Variants in GLRB observed in about 807,000 individuals in gnomAD.
GLRB encodes the protein glycine receptor subunit beta.
GLRB carries 33 observed loss-of-function variants against 54.2 expected under a neutral mutation model. The ratio of observed to expected loss-of-function variants is 0.61; its 90% CI spans 0.46 to 0.81. The LOEUF (loss-of-function observed/expected upper bound fraction) is 0.81. GLRB is among the 40% of genes least tolerant of loss of function. The pLI is 0.00. For missense variants in GLRB, 572 were observed against 584.6 expected (o/e 0.98, Z 0.22); for synonymous variants, 209 against 208.2 (o/e 1.00, Z -0.03).
intron 2 of GLRB, among the ~76,000 whole-genome samples, chr4:157,101,407 A>T (rs1735020428): frequency 6.6e-6 from 1 of 152,218 alleles, no homozygotes; most frequent in East Asian, 1.9e-4. Flanking sequence ...CAGATACATA[A>T]GAACATTGTT....
chr4:157,124,831 C>G (rs1735959708), intron 4 of GLRB, among the ~76,000 whole-genome samples: 1 of 151,822 alleles, frequency 6.6e-6, no homozygotes, highest in East Asian at 1.9e-4. Context: ...AAGATCAGAA[C>G]TACACTCATT....
rs2126583392 is a variant in GLRB at position 157,143,801 on chromosome 4, T to C, written c.752-6T>C. 6.2e-7 allele frequency: 1 copy of C among 1,612,398 alleles called. No individual in the cohort carries two copies. Among genetic ancestry groups the C allele is most frequent in the Non-Finnish European group, 8.5e-7 (1 of 1,179,524 alleles). On this transcript the variant is annotated splice_region_variant and splice_polypyrimidine_tract_variant and intron_variant, in intron 7 of 9. Transcript: ENST00000264428. ...CTCATGCCTTGAATGTGTTTGCTTCTGAAAGGCTACTACACATGCGTGGAA... is the reference window on the plus strand; with the variant it reads ...CTCATGCCTTGAATGTGTTTGCTTCCGAAAGGCTACTACACATGCGTGGAA...
In GLRB at chr4:157,078,028, A is replaced by C; in HGVS notation, c.4A>C (p.Lys2Gln). 1.2e-6 allele frequency: 2 copies of C among 1,609,922 alleles called. No homozygotes were observed. Among genetic ancestry groups the C allele is most frequent in the Non-Finnish European group, 1.7e-6 (2 of 1,176,752 alleles). The change falls in exon 2 of 10, where the codon AAG becomes CAG. Residue 2 changes from lysine to glutamine, a missense_variant. Lys to Gln is a moderately conservative substitution (Grantham distance 53). Coordinates refer to ENST00000264428, the MANE Select transcript of GLRB (RefSeq NM_000824.5). M[K>Q]FLLTTAFLIL... is the part of the protein sequence containing the mutation. ...TTCTGAAATTCAAGTTTTCAAGATGAAGTTTTTATTGACAACTGCCTTTTT... is the reference window on the plus strand; with the variant it reads ...TTCTGAAATTCAAGTTTTCAAGATGCAGTTTTTATTGACAACTGCCTTTTT...
chr4:157,138,963 T>C lies in GLRB; in HGVS notation c.751+14T>C. 1.6e-6 allele frequency: 2 copies of C among 1,284,728 alleles called. No individual in the cohort carries two copies. The highest frequency in any genetic ancestry group is 2.3e-6 in the Non-Finnish European group (2 of 883,566). The allele number at this position is 1,284,728 out of a possible 1,614,324, so 79.6% of individuals were successfully genotyped here. A position where few individuals can be genotyped will look rare whatever the true frequency, so the allele number is the denominator to read the frequency against. ...ATAAAGGCACGGGTAAGTAATATTC[T>C]TTAAATAAAACGAAGTTCTATTTCA... On this transcript the variant is annotated intron_variant, in intron 7 of 9. Transcript: ENST00000264428.
intron 2 of GLRB, among the ~76,000 whole-genome samples, chr4:157,112,393 T>C (rs1019274039): frequency 3.9e-5 from 6 of 151,970 alleles, no homozygotes; most frequent in Non-Finnish European, 5.9e-5. Flanking sequence ...GCATGGCACA[T>C]AGGAAATTCT....
At chr4:157,141,877 AATGG>A (rs1736630471) in intron 7 of GLRB, among the ~76,000 whole-genome samples, 4 of 152,100 alleles carry the variant, frequency 2.6e-5, no homozygotes, top group Admixed American at 2.6e-4. Context: ...GACTCATGTG[AATGG>A]ACTATCATTT....
chr4:157,159,350 C>T (rs1256012102), intron 9 of GLRB, among the ~76,000 whole-genome samples: 1 of 151,924 alleles, frequency 6.6e-6, no homozygotes, highest in African/African-American at 2.4e-5. Flanking sequence ...TTGCCTTGGC[C>T]AGAACTTCCA....
intron 9 of GLRB, among the ~76,000 whole-genome samples, chr4:157,156,666 T>C (rs1223950264): frequency 1.3e-5 from 2 of 152,218 alleles, no homozygotes; most frequent in African/African-American, 4.8e-5. Flanking sequence ...AGTTTCCATT[T>C]GGTATGTGTG....
At chr4:157,155,631 G>A (rs1303942876) in intron 9 of GLRB, among the ~76,000 whole-genome samples, 5 of 152,108 alleles carry the variant, frequency 3.3e-5, no homozygotes, top group Non-Finnish European at 7.4e-5. Flanking sequence ...GGCCTCCATG[G>A]CTTCTGATGA....
At chr4:157,123,610 A>G (rs1735910459) in intron 4 of GLRB, among the ~76,000 whole-genome samples, 2 of 151,786 alleles carry the variant, frequency 1.3e-5, no homozygotes, top group African/African-American at 4.8e-5. Flanking sequence ...TCACTAGGAG[A>G]CCTTTCTGAA....
At chr4:157,103,258 T>C (rs1735104802) in intron 2 of GLRB, among the ~76,000 whole-genome samples, 1 of 151,898 alleles carries the variant, frequency 6.6e-6, no homozygotes, top group Admixed American at 6.6e-5. Flanking sequence ...CCATGGCCAG[T>C]GGTCTTCTTA....
At chr4:157,111,097 G>A (rs1735401555) in intron 2 of GLRB, among the ~76,000 whole-genome samples, 1 of 151,980 alleles carries the variant, frequency 6.6e-6, no homozygotes, top group Non-Finnish European at 1.5e-5. Context: ...ATAGCCTTCA[G>A]TGGTCTAGTG....
In GLRB at chr4:157,136,679, G is replaced by C; in HGVS notation, c.508G>C (p.Asp170His). ...CCTCCTCTTTATTTTTCGTGATGGA[G>C]ATGTCCTTGTCAGCATGAGGTACTC... is the stretch of plus-strand genomic sequence containing the variant. Reference protein sequence around the residue: ...NILLFIFRDGDVLVSMRLSIT... With the variant: ...NILLFIFRDGHVLVSMRLSIT... The change falls in exon 5 of 10, where the codon GAT becomes CAT. Residue 170 changes from aspartate (D) to histidine (H), a missense_variant. Transcript: ENST00000264428. The C allele has an allele frequency of 6.2e-7, 1 of 1,605,726 alleles. No individual in the cohort carries two copies. Among genetic ancestry groups the C allele is most frequent in the Non-Finnish European group, 8.5e-7 (1 of 1,172,394 alleles).
At chr4:157,115,345 A>G (rs75947738) in intron 2 of GLRB, among the ~76,000 whole-genome samples, 4,609 of 145,628 alleles carry the variant, frequency 0.032, 118 homozygotes, top group African/African-American at 0.071. Flanking sequence ...ATTTCACTTT[A>G]TATGAGGTTA....
chr4:157,090,269 A>T (rs1462282974), intron 2 of GLRB, among the ~76,000 whole-genome samples: 1 of 152,222 alleles, frequency 6.6e-6, no homozygotes, highest in African/African-American at 2.4e-5. Context: ...ATCACTTAAA[A>T]TAACTGTACG....
At chr4:157,114,072 TTGTC>T (rs1413928700) in intron 2 of GLRB, among the ~76,000 whole-genome samples, 2 of 152,000 alleles carry the variant, frequency 1.3e-5, no homozygotes, top group African/African-American at 4.8e-5. Flanking sequence ...CATGAAGTAT[TTGTC>T]TGTCTTTGTA....
intron 7 of GLRB, among the ~76,000 whole-genome samples, chr4:157,140,408 T>C (rs1339813941): frequency 1.3e-5 from 2 of 151,966 alleles, no homozygotes; most frequent in Admixed American, 6.6e-5. Flanking sequence ...CTGTCAGCCT[T>C]GGGACCAAGA....
intron 2 of GLRB, among the ~76,000 whole-genome samples, chr4:157,110,402 C>T (rs1735375199): frequency 6.6e-6 from 1 of 151,502 alleles, no homozygotes; most frequent in African/African-American, 2.4e-5. Context: ...CTCATTCTTT[C>T]TTCTGCTTAT....
rs746978405 is a variant in GLRB, at chr4:157,120,582, G to T, written c.149G>T (p.Arg50Leu). ...PSQQSAEDLA[R>L]VPANSTSNIL... is the part of the protein sequence containing the mutation. ...CAGCAGTCAGCAGAGGACCTTGCCCGAGTACCTGCCAACTCCACTAGCAAT... is the reference window on the plus strand; with the variant it reads ...CAGCAGTCAGCAGAGGACCTTGCCCTAGTACCTGCCAACTCCACTAGCAAT... The change falls in exon 3 of 10, where the codon CGA (arginine) becomes CTA (leucine). Residue 50 changes from arginine (R) to leucine (L), a missense_variant. Coordinates refer to ENST00000264428, the MANE Select transcript of GLRB (RefSeq NM_000824.5). 4.4e-6 allele frequency: 7 copies of T among 1,598,844 alleles called. No individual in the cohort carries two copies. The Admixed American group carries it at 8.4e-5, about 19-fold the overall frequency.
Sources: allele counts gnomAD v4.1 joint callset (sites outside exome capture counted in the v4.1 genomes callset), GRCh38; gene constraint gnomAD v4.1.1; transcripts MANE v1.5; gene names NCBI Gene and HGNC (gene_info 2026-07-23, HGNC 2026-07-21).